The following CSMD3 variants were observed in gnomAD, a reference collection of about 807,000 sequenced individuals.
The protein encoded by CSMD3 is CUB and Sushi multiple domains 3.
Under a neutral mutation model 435.2 loss-of-function variants are expected in CSMD3, and 177 were observed. The observed-to-expected ratio is 0.41, with a 90% confidence interval of 0.36 to 0.46. CSMD3 has a LOEUF of 0.46. CSMD3 is among the 20% of genes least tolerant of loss of function. The pLI is 0.34. For synonymous variants in CSMD3, 1,656 were observed against 1,520.5 expected, an observed-to-expected ratio of 1.09 and a Z score of -2.07; for missense variants, 4,265 against 4,504.6, an observed-to-expected ratio of 0.95 and a Z score of 1.52.
In CSMD3 at chr8:112,840,567, T is replaced by C. The variant is rs1206379693; in HGVS notation, c.1756-10778A>G. 3.3e-5 allele frequency among the ~76,000 whole-genome samples: 5 copies of C among 151,688 alleles called. No homozygotes were observed. The East Asian group carries it at 9.7e-4, about 29-fold the overall frequency. On this transcript the variant is annotated intron_variant, in intron 11 of 70. Coordinates refer to ENST00000297405, the MANE Select transcript of CSMD3 (RefSeq NM_198123.2). ...TGAATGTTATTATACAAAGGAGCAA[T>C]ACATGTTTAAGGTGATAAATATAAT...
intron 1 of CSMD3, among the ~76,000 whole-genome samples, chr8:113,335,504 C>A (rs981132591): frequency 1.8e-4 from 26 of 143,022 alleles, no homozygotes; most frequent in Admixed American, 1.8e-3. Context: ...ATATTTACTA[C>A]TCCTTGCTCT....
chr8:112,731,791 A>G (rs1425774180), intron 13 of CSMD3, among the ~76,000 whole-genome samples: 1 of 152,120 alleles, frequency 6.6e-6, no homozygotes, highest in African/African-American at 2.4e-5. Flanking sequence ...TTGTTCACTG[A>G]ATTCAATTAT....
chr8:113,353,304 T>A (rs1224420915), intron 1 of CSMD3, among the ~76,000 whole-genome samples: 1 of 150,254 alleles, frequency 6.7e-6, no homozygotes. Context: ...AGTGGCCTAC[T>A]CATATTTTTT....
chr8:112,799,091 T>C (rs528303213), intron 13 of CSMD3, among the ~76,000 whole-genome samples: 1 of 151,968 alleles, frequency 6.6e-6, no homozygotes, highest in South Asian at 2.1e-4. Context: ...GGGATAGAGG[T>C]GGATTTTAAA....
chr8:112,670,786 T>C (rs888047505), intron 16 of CSMD3, among the ~76,000 whole-genome samples: 1 of 152,054 alleles, frequency 6.6e-6, no homozygotes, highest in Non-Finnish European at 1.5e-5. Flanking sequence ...CTGTGAAATA[T>C]CACAAGAAAC....
chr8:112,336,537 A>G (rs1824574360), intron 44 of CSMD3, 115 bp downstream of exon 44: 1 of 842,874 alleles, frequency 1.2e-6, no homozygotes. Flanking sequence ...AGTTACTCAC[A>G]TCAATTCAAA....
At chr8:113,178,738 G>C (rs1274000604) in intron 3 of CSMD3, among the ~76,000 whole-genome samples, 1 of 151,864 alleles carries the variant, frequency 6.6e-6, no homozygotes, top group Admixed American at 6.6e-5. Flanking sequence ...AAAAGTATAA[G>C]AATCAAAGTA....
chr8:112,304,620 C>A (rs1046460082), intron 52 of CSMD3, 101 bp downstream of exon 52: 1 of 878,250 alleles, frequency 1.1e-6, no homozygotes, highest in South Asian at 1.4e-5. Flanking sequence ...TTAGTAATGT[C>A]ATCCAATTAT....
intron 5 of CSMD3, among the ~76,000 whole-genome samples, chr8:113,096,445 A>C (rs192578891): frequency 1.1e-3 from 161 of 152,148 alleles, no homozygotes; most frequent in African/African-American, 3.4e-3. Context: ...CCTCACCTCC[A>C]CTGCTATTTT....
intron 3 of CSMD3, among the ~76,000 whole-genome samples, chr8:113,277,468 C>G (rs1331796679): frequency 6.6e-6 from 1 of 151,680 alleles, no homozygotes; most frequent in Non-Finnish European, 1.5e-5. Flanking sequence ...GATTTTTTTT[C>G]TAGTGAAAAA....
At chr8:112,887,407 G>T (rs978732446) in intron 10 of CSMD3, among the ~76,000 whole-genome samples, 1 of 150,924 alleles carries the variant, frequency 6.6e-6, no homozygotes, top group African/African-American at 2.4e-5. Flanking sequence ...ATTACAATTA[G>T]TCATTGCAGC....
chr8:112,306,372 C>A (rs1338225309), intron 50 of CSMD3, among the ~76,000 whole-genome samples, 180 bp from the exon 51 acceptor site: 1 of 152,070 alleles, frequency 6.6e-6, no homozygotes. Flanking sequence ...TTATTCCAAA[C>A]CCTTATTTAG....
chr8:113,122,581 A>G (rs948403060), intron 4 of CSMD3, among the ~76,000 whole-genome samples: 1 of 152,000 alleles, frequency 6.6e-6, no homozygotes, highest in Admixed American at 6.6e-5. Flanking sequence ...AAATTGGGGG[A>G]AGAAGAGGGA....
At chr8:112,396,358 T>C (rs1183303949) in intron 35 of CSMD3, among the ~76,000 whole-genome samples, 2 of 152,192 alleles carry the variant, frequency 1.3e-5, no homozygotes, top group Non-Finnish European at 2.9e-5. Flanking sequence ...TCAAAGATTA[T>C]ATCTAAACTG....
At chr8:113,375,914 T>C (rs2094379656) in intron 1 of CSMD3, among the ~76,000 whole-genome samples, 2 of 152,208 alleles carry the variant, frequency 1.3e-5, no homozygotes, top group South Asian at 4.1e-4. Context: ...TAATTTTGTG[T>C]ATGATATTTT....
rs2130025894 is a variant in CSMD3, at chr8:112,406,632, G to C, written c.5701C>G (p.Leu1901Val). Reference sequence around the variant, plus strand: ...ATATATCCTGGATTACAATCAAAAAGAACCGATGAACCGACTGCAAATTCA... The same window carrying C: ...ATATATCCTGGATTACAATCAAAAACAACCGATGAACCGACTGCAAATTCA... ...GNEFAVGSSV[L>V]FDCNPGYILH... is the part of the protein sequence containing the mutation. The change falls in exon 35 of 71, where the codon CTT becomes GTT. Residue 1901 changes from leucine to valine, a missense_variant. Physicochemically the swap from Leu to Val is conservative, Grantham distance 32. This residue lies in a region of CSMD3 where 3,255 missense variants were observed against 3,380.2 expected (regional missense o/e 0.96). Transcript: ENST00000297405. 1 of 1,612,538 alleles carries C rather than the reference G, an allele frequency of 6.2e-7. No homozygotes were observed. Among genetic ancestry groups the C allele is most frequent in the Non-Finnish European group, 8.5e-7 (1 of 1,178,872 alleles).
At chr8:112,490,947 T>A (rs1483609155) in intron 31 of CSMD3, among the ~76,000 whole-genome samples, 1 of 152,196 alleles carries the variant, frequency 6.6e-6, no homozygotes, top group East Asian at 1.9e-4. Context: ...CCTTTTGCCT[T>A]CTGATAGATG....
At chr8:112,263,898 C>T in intron 60 of CSMD3, 86 bp from the exon 61 acceptor site, 1 of 1,214,598 alleles carries the variant, frequency 8.2e-7, no homozygotes, top group East Asian at 2.4e-5. Flanking sequence ...AGAAGAAGCA[C>T]ATGTGCTAAT....
At chr8:113,051,037 C>T (rs1345265104) in intron 5 of CSMD3, among the ~76,000 whole-genome samples, 1 of 152,012 alleles carries the variant, frequency 6.6e-6, no homozygotes, top group Non-Finnish European at 1.5e-5. Flanking sequence ...AAATTGTCAT[C>T]TTCCAATTTT....
Sources: allele counts gnomAD v4.1 joint callset (sites outside exome capture counted in the v4.1 genomes callset), GRCh38; gene constraint gnomAD v4.1.1; regional missense constraint gnomAD v4.1.1; transcripts MANE v1.5; gene names NCBI Gene and HGNC (gene_info 2026-07-23, HGNC 2026-07-21).